EIF4ENIF1: variants seen among roughly 807,000 people sequenced by gnomAD.
EIF4ENIF1 encodes eukaryotic translation initiation factor 4E transporter.
In EIF4ENIF1, 23 loss-of-function variants were observed where a neutral mutation model predicts 110.5. That is an observed-to-expected ratio of 0.21 (90% CI 0.15 to 0.29). EIF4ENIF1 has a LOEUF of 0.29. Among genes scored for constraint, EIF4ENIF1 ranks in the 10% least tolerant of loss-of-function variants. The pLI, the probability that EIF4ENIF1 is intolerant of heterozygous loss-of-function variation, is 1.00. For synonymous variants in EIF4ENIF1, 440 were observed against 437.0 expected (o/e 1.01, Z -0.09); for missense variants, 1,031 against 1,221.1 (o/e 0.84, Z 2.32).
chr22:31,443,023 C>T lies in EIF4ENIF1; in HGVS notation c.2145G>A (p.Glu715=). The change falls in exon 16 of 19, where the codon GAG becomes GAA. Residue 715 remains glutamate (E), a synonymous_variant. Transcript: ENST00000330125. The part of the protein sequence containing the change: ...MYESKEKSKE[E]PASGKAALGD... ...CAAGAGCTGCTTTTCCAGATGCTGGCTCCTCCTTGCTTTTCTCTTTGCTCT... is the reference window on the plus strand; with the variant it reads ...CAAGAGCTGCTTTTCCAGATGCTGGTTCCTCCTTGCTTTTCTCTTTGCTCT... The T allele has an allele frequency of 6.2e-7, 1 of 1,614,162 alleles. No individual in the cohort carries two copies. The highest frequency in any genetic ancestry group is 8.5e-7 in the Non-Finnish European group (1 of 1,180,016).
chr22:31,487,532 CA>C (rs1480999657), intron 2 of EIF4ENIF1, among the ~76,000 whole-genome samples: 7 of 152,296 alleles, frequency 4.6e-5, no homozygotes, highest in Admixed American at 3.3e-4. Context: ...CACAGTGGCT[CA>C]CCCCTGTAAT....
intron 15 of EIF4ENIF1, among the ~76,000 whole-genome samples, chr22:31,444,249 TC>T (rs2050392634): frequency 6.6e-6 from 1 of 152,106 alleles, no homozygotes; most frequent in Admixed American, 6.5e-5. Flanking sequence ...TTCAATAGAC[TC>T]CCCACTGTCT....
At chr22:31,489,998 G>A (rs1011773194), upstream of EIF4ENIF1, 47 of 152,276 alleles carry the variant, frequency 3.1e-4, no homozygotes, top group Non-Finnish European at 1.3e-4. Flanking sequence ...CGCGCTTCCC[G>A]GACGCCAGCC....
intron 2 of EIF4ENIF1, among the ~76,000 whole-genome samples, chr22:31,483,027 C>CA (rs1363718475): frequency 1.3e-5 from 2 of 150,546 alleles, no homozygotes; most frequent in South Asian, 2.1e-4. Context: ...TGTCTCAAAA[C>CA]AAAAAAACAG....
At chr22:31,453,493 G>C in intron 10 of EIF4ENIF1, 1 of 223,530 alleles carries the variant, frequency 4.5e-6, no homozygotes, top group Non-Finnish European at 9.3e-6. Context: ...TCTTGTCTTG[G>C]CCTCCCAAGT....
At chr22:31,443,734 GC>G (rs1205452444) in intron 15 of EIF4ENIF1, among the ~76,000 whole-genome samples, 2 of 151,222 alleles carry the variant, frequency 1.3e-5, no homozygotes, top group Non-Finnish European at 2.9e-5. Flanking sequence ...GAAGCACGCA[GC>G]AAAGTTATTT....
upstream of EIF4ENIF1, among the ~76,000 whole-genome samples, chr22:31,491,836 C>T (rs2052288427): frequency 6.6e-6 from 1 of 152,188 alleles, no homozygotes; most frequent in Admixed American, 6.6e-5. Context: ...AGCCACCACA[C>T]CTGAGCTTTC....
chr22:31,481,459 T>C (rs1442931137), intron 2 of EIF4ENIF1, among the ~76,000 whole-genome samples: 1 of 151,846 alleles, frequency 6.6e-6, no homozygotes, highest in East Asian at 1.9e-4. Flanking sequence ...TTCTCCAACA[T>C]AAATAGGTAT....
chr22:31,455,735 T>C, intron 8 of EIF4ENIF1, 117 bp downstream of exon 8: 1 of 1,358,476 alleles, frequency 7.4e-7, no homozygotes, highest in African/African-American at 1.5e-5. Context: ...TTGAAGGCTT[T>C]TCAGTTGTCC....
intron 4 of EIF4ENIF1, 87 bp from the exon 5 acceptor site, chr22:31,464,054 G>A: frequency 6.7e-7 from 1 of 1,481,964 alleles, no homozygotes; most frequent in Non-Finnish European, 8.9e-7. Context: ...ACTGATGGGA[G>A]GAAGGGGATG....
rs769825241 is a variant in EIF4ENIF1 at position 31,463,085 on chromosome 22, C to A, written c.634G>T (p.Asp212Tyr). Residue 212 changes from aspartate to tyrosine, a missense_variant, in exon 6 of 19, where the codon GAT becomes TAT. Physicochemically the swap from Asp to Tyr is radical, Grantham distance 160 (BLOSUM62 -3). This residue lies in a region of EIF4ENIF1 where 704 missense variants were observed against 879.7 expected (regional missense o/e 0.80). Coordinates refer to ENST00000330125, the MANE Select transcript of EIF4ENIF1 (RefSeq NM_019843.4). ...TCTGGTTCTTCTTCTGTGTAAGAAT[C>A]ATTTCTTCTACGCTCACCAAAGACA... The part of the protein sequence containing the change: ...KRVFGERRRN[D>Y]SYTEEEPEWF... 1.9e-6 allele frequency: 3 copies of A among 1,614,162 alleles called. No homozygotes were observed. The South Asian group carries it at 3.3e-5, about 18-fold the overall frequency.
intron 2 of EIF4ENIF1, among the ~76,000 whole-genome samples, chr22:31,477,118 CA>C (rs549095127): frequency 1.9e-4 from 27 of 143,404 alleles, no homozygotes; most frequent in African/African-American, 1.0e-4. Context: ...AAACCTGTCT[CA>C]AAAAAAAAAG....
In EIF4ENIF1 at chr22:31,449,466, G is replaced by C; in HGVS notation, c.1650C>G (p.Ser550Arg). 2 of 1,614,134 alleles carry C rather than the reference G, an allele frequency of 1.2e-6. No individual in the cohort carries two copies. Among genetic ancestry groups the C allele is most frequent in the Non-Finnish European group, 1.7e-6 (2 of 1,180,020 alleles). Residue 550 changes from serine (S) to arginine (R), a missense_variant, in exon 12 of 19, where the codon AGC (serine) becomes AGG (arginine). Around this residue, in one of 3 missense-constraint regions of EIF4ENIF1, gnomAD observed 704 missense variants for 879.7 expected, o/e 0.80. Coordinates refer to ENST00000330125, the MANE Select transcript of EIF4ENIF1 (RefSeq NM_019843.4). Reference sequence around the variant, plus strand: ...CCAGTAAAGATGTTGTAGGCTCCAAGCTCCCCATAAGGCCACTCAGAAGAT... The same window carrying C: ...CCAGTAAAGATGTTGTAGGCTCCAACCTCCCCATAAGGCCACTCAGAAGAT... ...SSNLLSGLMG[S>R]LEPTTSLLGQ...
intron 2 of EIF4ENIF1, 27 bp downstream of exon 2, chr22:31,488,594 AAC>A: frequency 1.2e-6 from 2 of 1,614,088 alleles, no homozygotes; most frequent in Non-Finnish European, 1.7e-6. Flanking sequence ...CCTAAAAAGA[AAC>A]ACTATTTCAT....
At chr22:31,479,992 G>A (rs529614716) in intron 2 of EIF4ENIF1, among the ~76,000 whole-genome samples, 2 of 152,160 alleles carry the variant, frequency 1.3e-5, no homozygotes, top group Non-Finnish European at 2.9e-5. Context: ...GATTACAAGT[G>A]TGAGCCACTG....
At chr22:31,444,764 G>T in intron 14 of EIF4ENIF1, 74 bp from the exon 15 acceptor site, 1 of 1,417,794 alleles carries the variant, frequency 7.1e-7, no homozygotes, top group South Asian at 1.2e-5. Flanking sequence ...TAATACTCAA[G>T]ACCAGCCTAG....
chr22:31,481,552 T>C (rs1473012645), intron 2 of EIF4ENIF1, among the ~76,000 whole-genome samples: 2 of 152,160 alleles, frequency 1.3e-5, no homozygotes, highest in Admixed American at 6.6e-5. Context: ...AAAAGATACA[T>C]TTAGTTATCA....
chr22:31,445,957 C>G (rs555140135), intron 14 of EIF4ENIF1, among the ~76,000 whole-genome samples: 1 of 146,470 alleles, frequency 6.8e-6, no homozygotes, highest in African/African-American at 2.5e-5. Flanking sequence ...CGTACCGCCC[C>G]CCCCCCCCAT....
At chr22:31,442,852 AG>A (rs1228612080) in intron 16 of EIF4ENIF1, 109 bp downstream of exon 16, 2 of 1,371,478 alleles carry the variant, frequency 1.5e-6, no homozygotes, top group Admixed American at 2.2e-5. Flanking sequence ...CAGAGAAGCT[AG>A]TGGTCTTGCC....
Sources: gnomAD v4.1 joint callset for allele counts (sites outside exome capture counted in the v4.1 genomes callset) on GRCh38, gnomAD v4.1.1 for gene constraint, gnomAD v4.1.1 regional missense constraint, MANE v1.5 for transcripts, NCBI Gene and HGNC (gene_info 2026-07-23, HGNC 2026-07-21) for gene names.